Variants in UNC13C observed in about 807,000 individuals in gnomAD.
UNC13C encodes unc-13 homolog C.
UNC13C carries 174 observed loss-of-function variants against 245.4 expected under a neutral mutation model. That is an observed-to-expected ratio of 0.71 (90% CI 0.63 to 0.80). UNC13C has a LOEUF of 0.80. UNC13C is among the 30% of genes least tolerant of loss of function. The pLI is 0.00. For missense variants in UNC13C, 2,829 were observed against 2,602.9 expected, an observed-to-expected ratio of 1.09 and a Z score of -1.89; for synonymous variants, 992 against 895.1, an observed-to-expected ratio of 1.11 and a Z score of -1.93.
In UNC13C at chr15:54,247,389, T is replaced by G. The variant is rs530752429; in HGVS notation, c.3229-2836T>G. On this transcript the variant is annotated intron_variant, in intron 7 of 32. Transcript: ENST00000260323. The stretch of plus-strand genomic sequence containing the variant: ...GCTGAGAAAACATCTTGCTCCAAGA[T>G]GCATTATCCCCCTGAAATACAAGAA... 1.1e-4 allele frequency among the ~76,000 whole-genome samples: 17 copies of G among 152,326 alleles called. No individual in the cohort carries two copies. In the South Asian group the frequency reaches 1.9e-3, roughly 17 times the overall value.
At chr15:54,573,001 T>C (rs903764716) in intron 30 of UNC13C, among the ~76,000 whole-genome samples, 1 of 152,168 alleles carries the variant, frequency 6.6e-6, no homozygotes, top group Admixed American at 6.5e-5. Context: ...CTATTGCATT[T>C]AATATAAGGA....
At chr15:54,590,717 A>G (rs1471534641) in intron 30 of UNC13C, among the ~76,000 whole-genome samples, 2 of 152,192 alleles carry the variant, frequency 1.3e-5, no homozygotes, top group Admixed American at 1.3e-4. Flanking sequence ...TTTTTAAGGT[A>G]GACGATCATA....
intron 2 of UNC13C, among the ~76,000 whole-genome samples, chr15:54,019,440 G>T (rs372225541): frequency 6.6e-6 from 1 of 152,194 alleles, no homozygotes; most frequent in Non-Finnish European, 1.5e-5. Flanking sequence ...TTCATTCTCA[G>T]TGTTTCTACT....
chr15:54,148,121 G>A (rs898410062), intron 4 of UNC13C, among the ~76,000 whole-genome samples: 1 of 152,124 alleles, frequency 6.6e-6, no homozygotes, highest in African/African-American at 2.4e-5. Context: ...TGCAGAGACA[G>A]AGAAAAATGA....
At chr15:54,364,153 A>T (rs960779267) in intron 17 of UNC13C, among the ~76,000 whole-genome samples, 2 of 152,172 alleles carry the variant, frequency 1.3e-5, no homozygotes, top group African/African-American at 4.8e-5. Context: ...GAAAGAAAAA[A>T]CAATGAAATT....
At chr15:53,845,170 A>G in the UNC13C span, among the ~76,000 whole-genome samples, 1 of 151,928 alleles carries the variant, frequency 6.6e-6, no homozygotes, top group African/African-American at 2.4e-5. Flanking sequence ...CTAAAAATAT[A>G]AAAATTAGCC....
At chr15:54,149,609 T>C (rs1209621020) in intron 4 of UNC13C, among the ~76,000 whole-genome samples, 2 of 152,206 alleles carry the variant, frequency 1.3e-5, no homozygotes, top group Non-Finnish European at 2.9e-5. Context: ...CCTTTGTTAA[T>C]TTCTTCTTCC....
upstream of UNC13C, among the ~76,000 whole-genome samples, chr15:53,977,872 A>G (rs1246141358): frequency 2.6e-5 from 4 of 152,212 alleles, no homozygotes; most frequent in Non-Finnish European, 5.9e-5. Flanking sequence ...ACTGTAAGTT[A>G]CCCATCATTT....
At chr15:53,840,184 G>A in the UNC13C span, among the ~76,000 whole-genome samples, 1 of 152,084 alleles carries the variant, frequency 6.6e-6, no homozygotes, top group Non-Finnish European at 1.5e-5. Context: ...ATAGAGAATT[G>A]TTTCCTACAA....
In UNC13C at chr15:54,592,510, T is replaced by A. The variant is rs796312868; in HGVS notation, c.6106+24563T>A. On this transcript the variant is annotated intron_variant, in intron 30 of 32. Transcript: ENST00000260323. Reference sequence around the variant, plus strand: ...GCTGTATATATGTTTAGGATTGTGATATTTTCCTGTTGGACAAGGCCTTTT... The same window carrying A: ...GCTGTATATATGTTTAGGATTGTGAAATTTTCCTGTTGGACAAGGCCTTTT... 2.0e-5 allele frequency among the ~76,000 whole-genome samples: 3 copies of A among 152,350 alleles called. No individual in the cohort carries two copies. The South Asian group carries it at 6.2e-4, about 32-fold the overall frequency.
At chr15:53,880,354 C>G in the UNC13C span, among the ~76,000 whole-genome samples, 1 of 152,136 alleles carries the variant, frequency 6.6e-6, no homozygotes, top group Non-Finnish European at 1.5e-5. Context: ...CTGTAATGAC[C>G]GATTACTTCA....
intron 14 of UNC13C, among the ~76,000 whole-genome samples, chr15:54,325,145 A>C (rs1443523223): frequency 6.6e-6 from 1 of 152,064 alleles, no homozygotes; most frequent in African/African-American, 2.4e-5. Flanking sequence ...AGTCATTAAA[A>C]ATCGAGTTTT....
chr15:54,070,118 A>T (rs1374705395), intron 2 of UNC13C, among the ~76,000 whole-genome samples: 1 of 152,114 alleles, frequency 6.6e-6, no homozygotes, highest in Non-Finnish European at 1.5e-5. Context: ...ATTTTACCAC[A>T]ATGTCTCCCA....
intron 18 of UNC13C, among the ~76,000 whole-genome samples, chr15:54,406,677 T>A (rs771311036): frequency 2.5e-4 from 38 of 152,340 alleles, no homozygotes; most frequent in Middle Eastern, 3.4e-3. Flanking sequence ...AGTACAATTA[T>A]GGAATTTCCA....
chr15:54,060,114 G>A (rs974185234), intron 2 of UNC13C, among the ~76,000 whole-genome samples: 2 of 150,232 alleles, frequency 1.3e-5, no homozygotes, highest in African/African-American at 4.9e-5. Context: ...AAAATTGACA[G>A]ATGGGATCTA....
At chr15:54,499,317 A>T (rs189953148) in intron 20 of UNC13C, among the ~76,000 whole-genome samples, 57 of 152,172 alleles carry the variant, frequency 3.7e-4, no homozygotes, top group Non-Finnish European at 6.5e-4. Context: ...CTATTCATAA[A>T]AACTCCACCT....
At chr15:54,507,031 A>G in intron 22 of UNC13C, 86 bp from the exon 23 acceptor site, 2 of 819,122 alleles carry the variant, frequency 2.4e-6, no homozygotes, top group Non-Finnish European at 3.7e-6. Context: ...AAAAGACAGC[A>G]AGAAGTTAAC....
intron 18 of UNC13C, among the ~76,000 whole-genome samples, chr15:54,406,822 A>G (rs1039458357): frequency 3.3e-5 from 5 of 152,200 alleles, no homozygotes; most frequent in African/African-American, 1.2e-4. Flanking sequence ...CTTGAATACA[A>G]CAGAACACTT....
chr15:53,839,144 T>A, the UNC13C span, among the ~76,000 whole-genome samples: 1 of 152,030 alleles, frequency 6.6e-6, no homozygotes, highest in East Asian at 1.9e-4. Flanking sequence ...TATGGGCAGG[T>A]GTGTGTGTGT....
Sources: gnomAD v4.1 joint callset for allele counts (sites outside exome capture counted in the v4.1 genomes callset) on GRCh38, gnomAD v4.1.1 for gene constraint, MANE v1.5 for transcripts, NCBI Gene and HGNC (gene_info 2026-07-23, HGNC 2026-07-21) for gene names.